The following PDE3B variants were observed in gnomAD, a reference collection of about 807,000 sequenced individuals.
PDE3B encodes the protein phosphodiesterase 3B, also known as cGMP-inhibited 3',5'-cyclic phosphodiesterase 3B.
PDE3B carries 66 observed loss-of-function variants against 116.8 expected under a neutral mutation model. That is an observed-to-expected ratio of 0.56 (90% CI 0.46 to 0.69). The LOEUF (loss-of-function observed/expected upper bound fraction) is 0.69. Ranked by LOEUF, PDE3B falls within the 30% of genes least tolerant of loss-of-function variation. PDE3B has a pLI of 0.00. For missense variants in PDE3B, 1,384 were observed against 1,368.1 expected (o/e 1.01, Z -0.18); for synonymous variants, 595 against 533.6 (o/e 1.12, Z -1.59).
intron 1 of PDE3B, among the ~76,000 whole-genome samples, chr11:14,759,932 ATTGT>A (rs1470762732): frequency 6.6e-6 from 1 of 152,152 alleles, no homozygotes; most frequent in Non-Finnish European, 1.5e-5. Flanking sequence ...ATGCATTGCT[ATTGT>A]TTATCAGTTG....
At chr11:14,676,018 A>G (rs914373076) in intron 1 of PDE3B, among the ~76,000 whole-genome samples, 1 of 152,150 alleles carries the variant, frequency 6.6e-6, no homozygotes, top group Non-Finnish European at 1.5e-5. Flanking sequence ...TGAGAGTTCC[A>G]GTTGCCCTAC....
At chr11:14,853,048 C>T (rs1414838199) in intron 12 of PDE3B, among the ~76,000 whole-genome samples, 1 of 149,600 alleles carries the variant, frequency 6.7e-6, no homozygotes, top group Admixed American at 6.7e-5. Flanking sequence ...AGTCTAGTCT[C>T]ACTGGCTTCC....
chr11:14,683,054 C>T (rs1402345276), intron 1 of PDE3B, among the ~76,000 whole-genome samples: 3 of 151,998 alleles, frequency 2.0e-5, no homozygotes, highest in Non-Finnish European at 2.9e-5. Context: ...TCTCCTGCCT[C>T]AGCCTCCCAA....
At chr11:14,782,994 CA>C (rs1858070436) in intron 2 of PDE3B, among the ~76,000 whole-genome samples, 1 of 152,164 alleles carries the variant, frequency 6.6e-6, no homozygotes, top group African/African-American at 2.4e-5. Flanking sequence ...TTTATGCAGC[CA>C]ACAGACACTT....
intron 1 of PDE3B, among the ~76,000 whole-genome samples, chr11:14,721,857 A>G (rs1362272524): frequency 1.4e-5 from 2 of 138,264 alleles, no homozygotes; most frequent in Non-Finnish European, 3.1e-5. Context: ...GCACACCAGC[A>G]TGGCACATGT....
At chr11:14,879,832 G>A in the PDE3B span, among the ~76,000 whole-genome samples, 3 of 152,136 alleles carry the variant, frequency 2.0e-5, no homozygotes, top group East Asian at 1.9e-4. Context: ...AAGAAAAATA[G>A]TAAAGCATAA....
rs1853291483 is a variant in PDE3B, at chr11:14,644,220, T to G, written c.145T>G (p.Phe49Val). 1 of 1,591,270 alleles carries G rather than the reference T, an allele frequency of 6.3e-7. No individual in the cohort carries two copies. Among genetic ancestry groups the G allele is most frequent in the African/African-American group, 1.4e-5 (1 of 73,824 alleles). Residue 49 changes from phenylalanine to valine, a missense_variant, in exon 1 of 16, where the codon TTC (phenylalanine) becomes GTC (valine). Phe to Val is a conservative substitution (Grantham distance 50). Around this residue, in one of 2 missense-constraint regions of PDE3B, gnomAD observed 956 missense variants for 806.8 expected, o/e 1.18. Coordinates refer to ENST00000282096, the MANE Select transcript of PDE3B (RefSeq NM_000922.4). The stretch of plus-strand genomic sequence containing the variant: ...GCAGGACCCTCCGCGCGGCTTCTTC[T>G]TCCACCTCTGCCGCTTCTGCAACGT... ...LRQDPPRGFF[F>V]HLCRFCNVEL...
At chr11:14,773,520 C>T (rs924898555) in intron 2 of PDE3B, 3 of 152,026 alleles carry the variant, frequency 2.0e-5, no homozygotes, top group African/African-American at 4.8e-5. Context: ...TCTATTACCT[C>T]GAAAAGTTTG....
intron 1 of PDE3B, among the ~76,000 whole-genome samples, chr11:14,740,729 G>T (rs184662647): frequency 8.5e-5 from 13 of 152,164 alleles, no homozygotes; most frequent in South Asian, 2.1e-4. Flanking sequence ...GCTTTCTCTT[G>T]TAGGCATTTA....
chr11:14,776,408 C>T (rs1857786605), intron 2 of PDE3B: 1 of 152,214 alleles, frequency 6.6e-6, no homozygotes, highest in Non-Finnish European at 1.5e-5. Flanking sequence ...GTTCCTGTCA[C>T]CTGGAGACTC....
the PDE3B span, chr11:14,892,328 G>A: frequency 1.5e-5 from 14 of 916,522 alleles, 1 homozygote; most frequent in South Asian, 1.6e-4. Flanking sequence ...GCCATTGGCT[G>A]ACTGAGTGAG....
chr11:14,890,887 T>C, the PDE3B span: 756 of 985,344 alleles, frequency 7.7e-4, 7 homozygotes, highest in African/African-American at 0.013. Context: ...TAAGTAAGGA[T>C]TTAAGGTCAA....
intron 11 of PDE3B, 114 bp from the exon 12 acceptor site, chr11:14,843,713 T>G: frequency 1.3e-6 from 1 of 766,178 alleles, no homozygotes; most frequent in Non-Finnish European, 2.2e-6. Context: ...AGTTCTTACT[T>G]AAATCAGCAA....
At chr11:14,880,302 A>G in the PDE3B span, 3 of 1,613,130 alleles carry the variant, frequency 1.9e-6, no homozygotes, top group African/African-American at 1.3e-5. Context: ...CTAAATAAGC[A>G]TCAACAAAAT....
At chr11:14,856,493 A>AT (rs1325771884) in intron 12 of PDE3B, among the ~76,000 whole-genome samples, 6 of 151,596 alleles carry the variant, frequency 4.0e-5, no homozygotes, top group African/African-American at 1.2e-4. Flanking sequence ...TCTCTACTGA[A>AT]TTTTTTTTTG....
intron 1 of PDE3B, among the ~76,000 whole-genome samples, chr11:14,767,063 T>C (rs1857516672): frequency 6.6e-6 from 1 of 151,626 alleles, no homozygotes; most frequent in Non-Finnish European, 1.5e-5. Context: ...ATCTTTTTTA[T>C]ATGCTTTTGC....
intron 1 of PDE3B, among the ~76,000 whole-genome samples, chr11:14,664,911 A>G (rs971192195): frequency 2.6e-5 from 4 of 152,214 alleles, no homozygotes; most frequent in African/African-American, 9.6e-5. Context: ...TCCCTAACTC[A>G]TTTTATGAGA....
At chr11:14,737,983 G>GCAGTC (rs1255912984) in intron 1 of PDE3B, among the ~76,000 whole-genome samples, 1 of 152,144 alleles carries the variant, frequency 6.6e-6, no homozygotes, top group Non-Finnish European at 1.5e-5. Context: ...ATTCCATGGT[G>GCAGTC]TATATGTGCC....
intron 1 of PDE3B, among the ~76,000 whole-genome samples, chr11:14,660,304 C>CTTTT (rs761213939): frequency 7.1e-6 from 1 of 140,574 alleles, no homozygotes. Flanking sequence ...TTCTAATATT[C>CTTTT]TTTTTTTTTT....
Sources: gnomAD v4.1 joint callset for allele counts (sites outside exome capture counted in the v4.1 genomes callset) on GRCh38, gnomAD v4.1.1 for gene constraint, gnomAD v4.1.1 regional missense constraint, MANE v1.5 for transcripts, NCBI Gene and HGNC (gene_info 2026-07-23, HGNC 2026-07-21) for gene names.